Variants in LYRM4 observed in about 807,000 individuals in gnomAD.
LYRM4 encodes the protein LYR motif containing 4.
In LYRM4, 9 loss-of-function variants were observed where a neutral mutation model predicts 11.7. The observed-to-expected ratio is 0.77, with a 90% CI of 0.46 to 1.34. The LOEUF is 1.34. Among genes scored for constraint, LYRM4 ranks in the 40% most tolerant of loss-of-function variants. The pLI is 0.00. For missense variants in LYRM4, 133 were observed against 112.5 expected, an observed-to-expected ratio of 1.18 and a Z score of -0.82; for synonymous variants, 42 against 40.4, an observed-to-expected ratio of 1.04 and a Z score of -0.15.
At chr6:5,223,492 A>G (rs1044037959) in intron 1 of LYRM4, among the ~76,000 whole-genome samples, 2 of 152,250 alleles carry the variant, frequency 1.3e-5, no homozygotes, top group African/African-American at 4.8e-5. Context: ...TTCCTCCTCC[A>G]CAGGTCGATA....
chr6:5,233,050 T>C (rs563168709), intron 1 of LYRM4, among the ~76,000 whole-genome samples: 1 of 152,354 alleles, frequency 6.6e-6, no homozygotes, highest in African/African-American at 2.4e-5. Context: ...CTCTCATCCA[T>C]GGATTAGCAC....
chr6:5,194,713 A>G (rs1390927156), intron 2 of LYRM4, among the ~76,000 whole-genome samples: 1 of 152,216 alleles, frequency 6.6e-6, no homozygotes, highest in African/African-American at 2.4e-5. Flanking sequence ...AGGAAAATAT[A>G]GAAACACTGT....
chr6:5,162,400 C>T (rs9504356), intron 2 of LYRM4, among the ~76,000 whole-genome samples: 45,278 of 151,926 alleles, frequency 0.3, 7,042 homozygotes, highest in African/African-American at 0.39. Context: ...CAGTGTTTCC[C>T]GAAGGATGAC....
the LYRM4 span, among the ~76,000 whole-genome samples, chr6:5,080,580 C>T: frequency 6.6e-6 from 1 of 152,176 alleles, no homozygotes; most frequent in East Asian, 1.9e-4. Context: ...ACCGGGAGCA[C>T]CTGAACTATC....
intron 2 of LYRM4, among the ~76,000 whole-genome samples, chr6:5,119,029 G>A (rs1763278068): frequency 6.6e-6 from 1 of 152,230 alleles, no homozygotes. Context: ...TGTGGTAGCT[G>A]AGAAAGAAGG....
chr6:5,082,748 G>T, the LYRM4 span, among the ~76,000 whole-genome samples: 1 of 152,190 alleles, frequency 6.6e-6, no homozygotes, highest in African/African-American at 2.4e-5. Flanking sequence ...ACCTTTTGAC[G>T]GCCTCTCATT....
At chr6:5,034,600 C>T in the LYRM4 span, 1 of 152,744 alleles carries the variant, frequency 6.5e-6, no homozygotes, top group Non-Finnish European at 1.5e-5. Flanking sequence ...GACTCGCCGG[C>T]TCCCCTGCGC....
chr6:5,082,825 C>T, the LYRM4 span, among the ~76,000 whole-genome samples: 65 of 152,348 alleles, frequency 4.3e-4, no homozygotes, highest in African/African-American at 1.5e-3. Flanking sequence ...TCTCTGCCCT[C>T]AGGCCACCCT....
chr6:5,073,344 T>C, the LYRM4 span, among the ~76,000 whole-genome samples: 7 of 152,056 alleles, frequency 4.6e-5, no homozygotes, highest in Admixed American at 4.6e-4. Context: ...TGCCCCAGCC[T>C]GGGTGACAGA....
intron 2 of LYRM4, chr6:5,113,503 C>T (rs961512594): frequency 9.5e-6 from 3 of 314,672 alleles, no homozygotes; most frequent in African/African-American, 2.3e-5. Context: ...CAGAGGAATA[C>T]GTGGGTGCTG....
At chr6:5,156,919 CT>C (rs748020805) in intron 2 of LYRM4, among the ~76,000 whole-genome samples, 41 of 152,336 alleles carry the variant, frequency 2.7e-4, no homozygotes, top group South Asian at 8.3e-4. Context: ...AAGATCCCCC[CT>C]GAAGCTCTCG....
chr6:5,253,696 G>C, intron 1 of LYRM4, among the ~76,000 whole-genome samples: 1 of 152,048 alleles, frequency 6.6e-6, no homozygotes, highest in Middle Eastern at 3.2e-3. Context: ...GACCAATTGA[G>C]AGCAATCATG....
At chr6:5,166,466 G>A (rs559848000) in intron 2 of LYRM4, among the ~76,000 whole-genome samples, 1 of 152,352 alleles carries the variant, frequency 6.6e-6, no homozygotes, top group East Asian at 1.9e-4. Context: ...TCTACTGACT[G>A]TTGATTTTGG....
chr6:5,155,646 C>T (rs562258807), intron 2 of LYRM4, among the ~76,000 whole-genome samples: 2 of 152,276 alleles, frequency 1.3e-5, no homozygotes, highest in South Asian at 4.1e-4. Flanking sequence ...TACCAGAAAA[C>T]CAGGATTCTC....
At chr6:5,108,329 G>A (rs891751598), downstream of LYRM4, 2 of 520,178 alleles carry the variant, frequency 3.8e-6, no homozygotes, top group Non-Finnish European at 2.5e-6. Context: ...AAACCGCTCT[G>A]CCAGGTCTGG....
At chr6:5,159,687 C>T (rs1392968920) in intron 2 of LYRM4, among the ~76,000 whole-genome samples, 2 of 152,194 alleles carry the variant, frequency 1.3e-5, no homozygotes, top group East Asian at 1.9e-4. Flanking sequence ...CTGTTCAAGA[C>T]CTTTCCTTAC....
chr6:5,057,186 C>T, the LYRM4 span, among the ~76,000 whole-genome samples: 3 of 151,664 alleles, frequency 2.0e-5, no homozygotes, highest in Admixed American at 1.3e-4. Context: ...CTCAACCCAA[C>T]CCCCCTTTCC....
intron 2 of LYRM4, among the ~76,000 whole-genome samples, chr6:5,191,910 A>G (rs1356557187): frequency 1.3e-5 from 2 of 152,178 alleles, no homozygotes; most frequent in Non-Finnish European, 2.9e-5. Context: ...TTTCCTGCCA[A>G]AAGTGCTTAT....
intron 2 of LYRM4, among the ~76,000 whole-genome samples, chr6:5,168,829 G>A (rs1028867585): frequency 6.6e-6 from 1 of 152,090 alleles, no homozygotes; most frequent in African/African-American, 2.4e-5. Context: ...AAGAATTTAG[G>A]GGTGAAGTCT....
Sources: allele counts gnomAD v4.1 joint callset (sites outside exome capture counted in the v4.1 genomes callset), GRCh38; gene constraint gnomAD v4.1.1; transcripts MANE v1.5; gene names NCBI Gene and HGNC (gene_info 2026-07-23, HGNC 2026-07-21).